HIP1: variants seen among roughly 807,000 people sequenced by gnomAD.
The protein encoded by HIP1 is huntingtin-interacting protein 1.
A neutral mutation model predicts 147.6 loss-of-function variants in HIP1; 65 were observed. The ratio of observed to expected loss-of-function variants is 0.44; its 90% CI spans 0.36 to 0.54. The LOEUF is 0.54. HIP1 is among the 20% of genes least tolerant of loss of function. HIP1 has a pLI of 0.00. For synonymous variants in HIP1, 479 were observed against 504.0 expected (o/e 0.95, Z 0.67); for missense variants, 1,061 against 1,299.6 (o/e 0.82, Z 2.82).
intron 1 of HIP1, among the ~76,000 whole-genome samples, chr7:75,656,258 C>T (rs1336190362): frequency 5.3e-5 from 8 of 151,678 alleles, no homozygotes; most frequent in African/African-American, 1.9e-4. Context: ...GTGAAATAGA[C>T]CAAATCTATA....
chr7:75,555,189 G>T (rs1259401313), intron 19 of HIP1, among the ~76,000 whole-genome samples: 1 of 47,818 alleles, frequency 2.1e-5, no homozygotes, highest in Non-Finnish European at 4.9e-5. Flanking sequence ...TCAAAAAGCG[G>T]GGGGGCGGGG....
At chr7:75,642,828 C>T (rs1282413394) in intron 1 of HIP1, among the ~76,000 whole-genome samples, 1 of 152,194 alleles carries the variant, frequency 6.6e-6, no homozygotes, top group Non-Finnish European at 1.5e-5. Context: ...CTGCATTTCC[C>T]TAGGATGGGA....
At chr7:75,715,476 G>C (rs1801288318) in intron 1 of HIP1, among the ~76,000 whole-genome samples, 1 of 147,606 alleles carries the variant, frequency 6.8e-6, no homozygotes, top group Non-Finnish European at 1.5e-5. Flanking sequence ...GAGAGAGAGA[G>C]AGAGAGAGAG....
At chr7:75,638,639 C>A (rs149000872) in intron 1 of HIP1, among the ~76,000 whole-genome samples, 99 of 141,236 alleles carry the variant, frequency 7.0e-4, no homozygotes, top group African/African-American at 2.7e-3. Flanking sequence ...TGCCTCCCTG[C>A]CCACGGGCTC....
Position 75,561,319 on chromosome 7 carries a change from C to T in HIP1, c.1191+10G>A, listed in dbSNP as rs1386695673. On this transcript the variant is annotated intron_variant, in intron 13 of 30. Coordinates refer to ENST00000336926, the MANE Select transcript of HIP1 (RefSeq NM_005338.7). Reference sequence around the variant, plus strand: ...GTGAAGCGCAAAGGCAGAGCAGATCCAAGTTATACCTCAGTCTTCATGTTT... The same window carrying T: ...GTGAAGCGCAAAGGCAGAGCAGATCTAAGTTATACCTCAGTCTTCATGTTT... 3.8e-6 allele frequency: 6 copies of T among 1,588,884 alleles called. No homozygotes were observed. The African/African-American group carries it at 4.0e-5, about 11-fold the overall frequency.
At chr7:75,720,987 A>G (rs1801484066) in intron 1 of HIP1, among the ~76,000 whole-genome samples, 1 of 151,178 alleles carries the variant, frequency 6.6e-6, no homozygotes, top group Non-Finnish European at 1.5e-5. Context: ...GCGGTAAGCC[A>G]AGATCGGGCC....
At chr7:75,619,393 T>C (rs1554506616) in intron 1 of HIP1, among the ~76,000 whole-genome samples, 1 of 151,320 alleles carries the variant, frequency 6.6e-6, no homozygotes, top group Non-Finnish European at 1.5e-5. Flanking sequence ...TGTGGTGGCG[T>C]GTGCCTGCTG....
At chr7:75,562,267 A>T in intron 11 of HIP1, 97 bp from the exon 12 acceptor site, 1 of 820,326 alleles carries the variant, frequency 1.2e-6, no homozygotes, top group African/African-American at 1.7e-5. Context: ...CCCTTTCTCG[A>T]ATTAAACGGT....
chr7:75,660,188 G>A (rs937883138), intron 1 of HIP1, among the ~76,000 whole-genome samples: 1 of 148,028 alleles, frequency 6.8e-6, no homozygotes, highest in Non-Finnish European at 1.5e-5. Context: ...TAAGTCTACT[G>A]CCGAAGTATT....
intron 1 of HIP1, among the ~76,000 whole-genome samples, chr7:75,627,571 C>A (rs1798086951): frequency 6.6e-6 from 1 of 152,130 alleles, no homozygotes; most frequent in Non-Finnish European, 1.5e-5. Context: ...AGACACGGTG[C>A]TCTGTCACCT....
At chr7:75,631,344 G>A (rs1294383886) in intron 1 of HIP1, among the ~76,000 whole-genome samples, 3 of 152,098 alleles carry the variant, frequency 2.0e-5, no homozygotes, top group Non-Finnish European at 2.9e-5. Flanking sequence ...CCTTAGAAGC[G>A]AGGAAACAGT....
chr7:75,582,462 G>T (rs587766911), intron 5 of HIP1, among the ~76,000 whole-genome samples: 1 of 152,184 alleles, frequency 6.6e-6, no homozygotes, highest in Non-Finnish European at 1.5e-5. Context: ...AAGGGAAAAG[G>T]CCACAGAGAT....
chr7:75,544,843 G>A (rs1554490655), intron 26 of HIP1, 43 bp from the exon 27 acceptor site: 2 of 1,237,688 alleles, frequency 1.6e-6, no homozygotes, highest in South Asian at 1.2e-5. Context: ...GGGCAAATGA[G>A]CTGCAACTCC....
intron 1 of HIP1, among the ~76,000 whole-genome samples, chr7:75,642,460 G>A (rs782483571): frequency 1.3e-5 from 2 of 152,132 alleles, no homozygotes; most frequent in African/African-American, 2.4e-5. Flanking sequence ...ACTTGAACAC[G>A]AGAGACAGAG....
chr7:75,734,675 T>C (rs782607247), intron 1 of HIP1, among the ~76,000 whole-genome samples: 2 of 152,030 alleles, frequency 1.3e-5, no homozygotes, highest in Non-Finnish European at 2.9e-5. Context: ...TCACCAGCCC[T>C]GCTATAGTTC....
At chr7:75,717,150 T>C (rs1397183455) in intron 1 of HIP1, among the ~76,000 whole-genome samples, 6 of 152,116 alleles carry the variant, frequency 3.9e-5, no homozygotes, top group Admixed American at 2.0e-4. Flanking sequence ...CCCTTGCCCA[T>C]GTGCAGTCTC....
In HIP1 at chr7:75,684,503, C is replaced by A. The variant is rs549884580; in HGVS notation, c.120+54298G>T. On this transcript the variant is annotated intron_variant, in intron 1 of 30. Transcript: ENST00000336926. ...AAACAGCAGTACCATTTCAGCTATGCCCTCTCTTTTGTTTTCGTATATCCT... is the reference window on the plus strand; with the variant it reads ...AAACAGCAGTACCATTTCAGCTATGACCTCTCTTTTGTTTTCGTATATCCT... 3.3e-5 allele frequency among the ~76,000 whole-genome samples: 5 copies of A among 150,640 alleles called. No individual in the cohort carries two copies. The East Asian group carries it at 9.8e-4, about 29-fold the overall frequency.
Position 75,721,105 on chromosome 7 carries a change from G to C in HIP1, c.120+17696C>G, listed in dbSNP as rs191723967. On this transcript the variant is annotated intron_variant, in intron 1 of 30. Coordinates refer to ENST00000336926, the MANE Select transcript of HIP1 (RefSeq NM_005338.7). ...AAATTAGCTGGTCACAGCCATGCAC[G>C]GTGGCTCACACCTGTAATCCCAGCA... is the stretch of plus-strand genomic sequence containing the variant. Among the ~76,000 whole-genome samples the C allele has an allele frequency of 2.0e-3, 307 of 151,538 alleles. 1 individual carries two copies. Among genetic ancestry groups the C allele is most frequent in the African/African-American group, 7.1e-3 (292 of 41,300 alleles).
intron 1 of HIP1, among the ~76,000 whole-genome samples, chr7:75,683,909 GC>G (rs782624058): frequency 0.28 from 17,788 of 62,500 alleles, 1,196 homozygotes; most frequent in Middle Eastern, 0.38. Context: ...ATTTGAACAA[GC>G]TAAGTAGTTC....
Sources: allele counts gnomAD v4.1 joint callset (sites outside exome capture counted in the v4.1 genomes callset), GRCh38; gene constraint gnomAD v4.1.1; transcripts MANE v1.5; gene names NCBI Gene and HGNC (gene_info 2026-07-23, HGNC 2026-07-21).